Variants in DNMBP observed in about 807,000 individuals in gnomAD.
DNMBP encodes dynamin-binding protein.
DNMBP carries 87 observed loss-of-function variants against 150.0 expected under a neutral mutation model. The observed-to-expected ratio is 0.58, with a 90% CI of 0.49 to 0.69. The LOEUF is 0.69. Among genes scored for constraint, DNMBP ranks in the 30% least tolerant of loss-of-function variants. DNMBP has a pLI of 0.00. For missense variants in DNMBP, 1,774 were observed against 1,949.0 expected (o/e 0.91, Z 1.69); for synonymous variants, 711 against 750.4 (o/e 0.95, Z 0.86).
At chr10:99,961,208 C>T (rs928132794) in intron 3 of DNMBP, among the ~76,000 whole-genome samples, 2 of 148,942 alleles carry the variant, frequency 1.3e-5, no homozygotes, top group Non-Finnish European at 3.0e-5. Context: ...AAACTGACTT[C>T]TGCTGCTCAT....
intron 12 of DNMBP, 74 bp downstream of exon 12, chr10:99,888,751 A>C (rs1260418677): frequency 6.3e-7 from 1 of 1,579,598 alleles, no homozygotes; most frequent in East Asian, 2.2e-5. Context: ...TGTCCGTGGA[A>C]CTGACTTGCA....
At chr10:99,958,187 A>G (rs551337916) in intron 3 of DNMBP, 1 of 152,236 alleles carries the variant, frequency 6.6e-6, no homozygotes, top group Non-Finnish European at 1.5e-5. Context: ...CAGTAGCCAC[A>G]AATTACATGA....
At chr10:99,888,328 G>A (rs560398425) in intron 12 of DNMBP, among the ~76,000 whole-genome samples, 68 of 151,614 alleles carry the variant, frequency 4.5e-4, no homozygotes, top group African/African-American at 1.3e-3. Context: ...CTCCAGCCTC[G>A]GCCTCCTGAG....
At chr10:99,964,874 GA>G (rs757761293) in intron 3 of DNMBP, among the ~76,000 whole-genome samples, 3,383 of 134,844 alleles carry the variant, frequency 0.025, 59 homozygotes, top group African/African-American at 0.041. Context: ...CCAGCCCAAG[GA>G]AAAAAAAAAA....
At chr10:99,895,595 T>G (rs1440150086) in intron 10 of DNMBP, among the ~76,000 whole-genome samples, 1 of 152,224 alleles carries the variant, frequency 6.6e-6, no homozygotes, top group Non-Finnish European at 1.5e-5. Context: ...CTGGCCAGGC[T>G]GCCCTCTTCA....
chr10:99,921,797 G>C (rs905083378), intron 4 of DNMBP, among the ~76,000 whole-genome samples: 1 of 150,472 alleles, frequency 6.6e-6, no homozygotes, highest in Non-Finnish European at 1.5e-5. Flanking sequence ...CCTGGGAGGT[G>C]GGGGCTGCAG....
At chr10:99,889,914 T>C (rs1352346292) in intron 11 of DNMBP, among the ~76,000 whole-genome samples, 1 of 152,130 alleles carries the variant, frequency 6.6e-6, no homozygotes, top group Non-Finnish European at 1.5e-5. Flanking sequence ...CAGTTACCTC[T>C]CCTTCCTCAA....
chr10:99,899,588 T>C (rs1443206333), intron 7 of DNMBP, among the ~76,000 whole-genome samples: 1 of 151,912 alleles, frequency 6.6e-6, no homozygotes, highest in Non-Finnish European at 1.5e-5. Flanking sequence ...GGCAATAAGC[T>C]GAGATTACAC....
intron 1 of DNMBP, among the ~76,000 whole-genome samples, chr10:99,983,982 T>A (rs1416527555): frequency 6.6e-6 from 1 of 151,766 alleles, no homozygotes; most frequent in African/African-American, 2.4e-5. Context: ...CTTCTATAAA[T>A]TTTTTTTGTT....
At chr10:99,940,406 T>G (rs779027579) in intron 4 of DNMBP, among the ~76,000 whole-genome samples, 3 of 152,142 alleles carry the variant, frequency 2.0e-5, no homozygotes, top group Non-Finnish European at 4.4e-5. Context: ...CCAAACACTC[T>G]GCCTCCCACC....
At chr10:99,948,913 A>G (rs887041970) in intron 4 of DNMBP, among the ~76,000 whole-genome samples, 1 of 152,006 alleles carries the variant, frequency 6.6e-6, no homozygotes, top group African/African-American at 2.4e-5. Context: ...CAGTGAGCCA[A>G]GATCACGCCA....
chr10:99,934,752 T>A lies in DNMBP; in HGVS notation c.2260+20462A>T, dbSNP rs2040205847. Among the ~76,000 whole-genome samples the A allele has an allele frequency of 1.6e-5, 2 of 125,562 alleles. 1 individual carries two copies. The highest frequency in any genetic ancestry group is 5.1e-4 in the South Asian group (2 of 3,946). The allele number at this position is 125,562 out of a possible 152,430, so 82.4% of individuals were successfully genotyped here. ...AGGAAATAATGCGTGGGGACAAGAT[T>A]TCAAAGGGTGAGATGGTGGGAATTG... On this transcript the variant is annotated intron_variant, in intron 4 of 16. Coordinates refer to ENST00000324109, the MANE Select transcript of DNMBP (RefSeq NM_015221.4).
intron 1 of DNMBP, among the ~76,000 whole-genome samples, chr10:100,001,413 G>GTTTTTTTT (rs531398004): frequency 1.8e-5 from 2 of 111,270 alleles, no homozygotes; most frequent in African/African-American, 3.5e-5. Context: ...TGTTGTTGTT[G>GTTTTTTTT]TTTTTTTTTT....
chr10:99,891,714 AC>A (rs1361454931), intron 11 of DNMBP, among the ~76,000 whole-genome samples: 1,498 of 142,458 alleles, frequency 0.011, 34 homozygotes, highest in African/African-American at 0.039. Flanking sequence ...CCGCCATCCC[AC>A]CTGGGAAGTG....
At chr10:99,879,407 G>A (rs1327947713) in intron 16 of DNMBP, among the ~76,000 whole-genome samples, 1 of 152,090 alleles carries the variant, frequency 6.6e-6, no homozygotes, top group African/African-American at 2.4e-5. Flanking sequence ...AGAGGTGGAG[G>A]TTGCAGTGAG....
intron 4 of DNMBP, among the ~76,000 whole-genome samples, chr10:99,936,868 C>A (rs146396921): frequency 6.6e-6 from 1 of 152,038 alleles, no homozygotes; most frequent in East Asian, 1.9e-4. Flanking sequence ...CCATGCCCAG[C>A]CAAAATGAAA....
At chr10:99,906,438 G>A (rs1020783556) in intron 6 of DNMBP, among the ~76,000 whole-genome samples, 1 of 152,114 alleles carries the variant, frequency 6.6e-6, no homozygotes, top group Non-Finnish European at 1.5e-5. Flanking sequence ...CAAAATGATA[G>A]GATGTCCCCT....
intron 4 of DNMBP, among the ~76,000 whole-genome samples, chr10:99,945,617 A>G (rs1007455140): frequency 2.0e-5 from 3 of 152,238 alleles, no homozygotes; most frequent in Non-Finnish European, 4.4e-5. Flanking sequence ...ATTCTGACAC[A>G]TGATTCTGTA....
At chr10:99,991,541 G>C (rs2133377666) in intron 1 of DNMBP, among the ~76,000 whole-genome samples, 1 of 151,184 alleles carries the variant, frequency 6.6e-6, no homozygotes, top group Non-Finnish European at 1.5e-5. Flanking sequence ...TTTGTGATTG[G>C]CTTCCTAGTA....
Sources: allele counts gnomAD v4.1 joint callset (sites outside exome capture counted in the v4.1 genomes callset), GRCh38; gene constraint gnomAD v4.1.1; transcripts MANE v1.5; gene names NCBI Gene and HGNC (gene_info 2026-07-23, HGNC 2026-07-21).